NHSL1: variants seen among roughly 807,000 people sequenced by gnomAD.
The protein encoded by NHSL1 is NHS like 1.
In NHSL1, 48 loss-of-function variants were observed where a neutral mutation model predicts 95.0. The ratio of observed to expected loss-of-function variants is 0.51; its 90% CI spans 0.40 to 0.64. The LOEUF is 0.64. NHSL1 is among the 30% of genes least tolerant of loss of function. The probability of loss-of-function intolerance (pLI) is 0.00; values close to 1 mark genes in which losing one functional copy is unlikely to be tolerated. For synonymous variants in NHSL1, 783 were observed against 833.9 expected, an observed-to-expected ratio of 0.94 and a Z score of 1.05; for missense variants, 1,971 against 2,077.7, an observed-to-expected ratio of 0.95 and a Z score of 1.00.
At chr6:138,629,674 C>T (rs553091195) in intron 1 of NHSL1, among the ~76,000 whole-genome samples, 101 of 152,352 alleles carry the variant, frequency 6.6e-4, no homozygotes, top group Non-Finnish European at 1.2e-3. Flanking sequence ...TGAGCCACCA[C>T]GCCCGGCCTT....
chr6:138,559,152 A>G lies in NHSL1; in HGVS notation c.202+12558T>C, dbSNP rs555249636. On this transcript the variant is annotated intron_variant, in intron 1 of 6. Coordinates refer to the NHSL1 transcript ENST00000427025. ...ATACAGGCTAGAATCCAAAAATTGGAAGTTAAAGTTTTGGACTAAACTTCA... is the reference window on the plus strand; with the variant it reads ...ATACAGGCTAGAATCCAAAAATTGGGAGTTAAAGTTTTGGACTAAACTTCA... Among the ~76,000 whole-genome samples, 142 of 152,370 alleles carry G rather than the reference A, an allele frequency of 9.3e-4. 1 individual carries two copies. The highest frequency in any genetic ancestry group is 1.6e-3 in the Non-Finnish European group (112 of 68,036).
intron 1 of NHSL1, among the ~76,000 whole-genome samples, chr6:138,589,095 T>C (rs536950959): frequency 6.6e-6 from 1 of 152,236 alleles, no homozygotes; most frequent in South Asian, 2.1e-4. Flanking sequence ...CCCGCCAAAA[T>C]TGCAGTAGGA....
intron 1 of NHSL1, among the ~76,000 whole-genome samples, chr6:138,537,967 T>G (rs1782426927): frequency 6.6e-6 from 1 of 152,184 alleles, no homozygotes; most frequent in Non-Finnish European, 1.5e-5. Flanking sequence ...TGGCACATGG[T>G]AAGTGCTCAT....
At chr6:138,502,763 T>C (rs1398965783), upstream of NHSL1, among the ~76,000 whole-genome samples, 1 of 152,202 alleles carries the variant, frequency 6.6e-6, no homozygotes, top group African/African-American at 2.4e-5. Flanking sequence ...GGTTTGCTCA[T>C]CTGTAAAACG....
chr6:138,658,354 T>C (rs1195007954), intron 1 of NHSL1, among the ~76,000 whole-genome samples: 3 of 152,208 alleles, frequency 2.0e-5, no homozygotes, highest in East Asian at 3.8e-4. Flanking sequence ...CTGTTTCTCC[T>C]ACCTCCCACT....
intron 1 of NHSL1, among the ~76,000 whole-genome samples, chr6:138,599,316 A>C (rs538415260): frequency 1.3e-5 from 2 of 152,332 alleles, no homozygotes; most frequent in South Asian, 4.1e-4. Flanking sequence ...GTTCGAGACC[A>C]GCCTGGCCAA....
chr6:138,541,642 G>A (rs1782584934), intron 1 of NHSL1, among the ~76,000 whole-genome samples: 1 of 152,158 alleles, frequency 6.6e-6, no homozygotes, highest in South Asian at 2.1e-4. Context: ...TTAAATTTTT[G>A]GCTCACACTG....
chr6:138,650,201 T>C (rs1785071737), intron 1 of NHSL1: 1 of 602,394 alleles, frequency 1.7e-6, no homozygotes, highest in East Asian at 4.1e-5. Context: ...TAAGACTGTG[T>C]TTTTTAGATG....
intron 1 of NHSL1, among the ~76,000 whole-genome samples, chr6:138,565,957 G>C (rs1583418560): frequency 1.4e-5 from 2 of 140,438 alleles, no homozygotes; most frequent in African/African-American, 5.3e-5. Flanking sequence ...AAAAAAAAAA[G>C]CAAACAAACA....
intron 3 of NHSL1, among the ~76,000 whole-genome samples, chr6:138,465,660 A>C (rs751003455): frequency 9.9e-5 from 15 of 152,036 alleles, no homozygotes; most frequent in African/African-American, 2.4e-5. Context: ...AGGCATGTAG[A>C]GATATCTTAT....
rs998648648 is a variant in NHSL1, at chr6:138,692,569, C to T, written c.4G>A (p.Ala2Thr). ...GCGGCGGTGCGGTGGCCCAGCGCGG[C>T]CGCCTGGCCCTCGAGCTCGCCGAAG... Residue 2 changes from alanine to threonine, a missense_variant, in exon 1 of 4, where the codon GCC becomes ACC. Ala to Thr is a moderately conservative substitution (Grantham distance 58). Coordinates refer to the NHSL1 transcript ENST00000491526. The surrounding 1 kb of genome is among the most constrained non-coding windows in gnomAD (Gnocchi z 4.0). The T allele has an allele frequency of 9.8e-5, 19 of 194,452 alleles. No homozygotes were observed. The East Asian group carries it at 3.1e-3, about 32-fold the overall frequency. 12.0% of individuals were successfully genotyped at this position (194,452 alleles called of 1,614,324 possible). A position where few individuals can be genotyped will look rare whatever the true frequency, so the allele number is the denominator to read the frequency against.
exon 1 of NHSL1, chr6:138,571,889 C>G (rs1327194949): frequency 6.4e-7 from 1 of 1,551,480 alleles, no homozygotes; most frequent in East Asian, 2.4e-5. Flanking sequence ...TCTGAAGGAA[C>G]CTGAAGAGCC....
At chr6:138,457,993 G>A (rs1490175562) in intron 3 of NHSL1, among the ~76,000 whole-genome samples, 2 of 144,548 alleles carry the variant, frequency 1.4e-5, no homozygotes, top group Non-Finnish European at 3.0e-5. Context: ...AGGTAACAGA[G>A]TGAAACTCCA....
intron 2 of NHSL1, among the ~76,000 whole-genome samples, chr6:138,478,326 G>C (rs1365900678): frequency 6.6e-6 from 1 of 152,064 alleles, no homozygotes; most frequent in Non-Finnish European, 1.5e-5. Context: ...TAGAACAAAT[G>C]AAATATGATG....
chr6:138,488,934 G>A (rs927680021), intron 2 of NHSL1, among the ~76,000 whole-genome samples: 3 of 152,242 alleles, frequency 2.0e-5, no homozygotes, highest in Admixed American at 2.0e-4. Context: ...GGACTGACCA[G>A]AGGACTGGGC....
At chr6:138,433,798 T>C in intron 5 of NHSL1, 118 bp from the exon 6 acceptor site, 2 of 1,378,580 alleles carry the variant, frequency 1.5e-6, no homozygotes, top group Non-Finnish European at 1.9e-6. Flanking sequence ...TTAATTTCCT[T>C]TCTCCTGTAG....
intron 1 of NHSL1, among the ~76,000 whole-genome samples, chr6:138,597,791 G>C (rs978861421): frequency 1.3e-5 from 2 of 152,094 alleles, no homozygotes; most frequent in East Asian, 1.9e-4. Context: ...ACATTATATT[G>C]ACTTTTTAAG....
At chr6:138,544,253 ATT>A (rs1245095465) in intron 1 of NHSL1, among the ~76,000 whole-genome samples, 3 of 152,144 alleles carry the variant, frequency 2.0e-5, no homozygotes, top group Non-Finnish European at 4.4e-5. Flanking sequence ...TTGTAGAACA[ATT>A]TTTGGAAGAA....
At chr6:138,625,630 GCTT>G (rs1316434957) in intron 1 of NHSL1, among the ~76,000 whole-genome samples, 4 of 132,500 alleles carry the variant, frequency 3.0e-5, no homozygotes, top group East Asian at 2.1e-4. Flanking sequence ...TTGTTTTTGT[GCTT>G]TTTTAATTAA....
Sources: gnomAD v4.1 joint callset for allele counts (sites outside exome capture counted in the v4.1 genomes callset) on GRCh38, gnomAD v4.1.1 for gene constraint, Gnocchi (gnomAD v3.1) non-coding constraint, MANE v1.5 for transcripts, NCBI Gene and HGNC (gene_info 2026-07-23, HGNC 2026-07-21) for gene names.